Variants in HEATR1 observed in about 807,000 individuals in gnomAD.
The protein encoded by HEATR1 is HEAT repeat-containing protein 1.
A neutral mutation model predicts 248.2 loss-of-function variants in HEATR1; 77 were observed. The ratio of observed to expected loss-of-function variants is 0.31; its 90% CI spans 0.26 to 0.37. The LOEUF (loss-of-function observed/expected upper bound fraction) is 0.37. Ranked by LOEUF, HEATR1 falls within the 10% of genes least tolerant of loss-of-function variation. HEATR1 has a pLI of 1.00. For synonymous variants in HEATR1, 897 were observed against 923.1 expected (o/e 0.97, Z 0.51); for missense variants, 2,420 against 2,504.9 (o/e 0.97, Z 0.72).
rs902708039 is a variant in HEATR1, at chr1:236,557,457, C to G, written c.5205-112G>C. 17 of 1,106,250 alleles carry G rather than the reference C, an allele frequency of 1.5e-5. No homozygotes were observed. The African/African-American group carries it at 2.5e-4, about 16-fold the overall frequency. 68.5% of individuals were successfully genotyped at this position (1,106,250 alleles called of 1,614,324 possible). ...CAAACTGTGCCTATTACATCGCTAT[C>G]TGCTTCATAGCCTAAAAAGCAGTGT... On this transcript the variant is annotated intron_variant, in intron 36 of 44. Transcript: ENST00000366582.
chr1:236,599,548 G>A lies in HEATR1; in HGVS notation c.436C>T (p.Arg146Ter), dbSNP rs1370970789. 1.2e-6 allele frequency: 2 copies of A among 1,613,118 alleles called. No individual in the cohort carries two copies. The highest frequency in any genetic ancestry group is 1.3e-5 in the African/African-American group (1 of 74,856). Residue 146 changes from arginine to a stop codon, truncating the protein, a stop_gained, in exon 4 of 45, where the codon CGA becomes TGA. Transcript: ENST00000366582. LOFTEE classifies it high-confidence loss of function. ...LPYHETRIFV[R>*]VIQLLKINNS... ...TTAATTTTTAGAAGCTGTATGACTC[G>A]CACAAATATTCTTGTCTCGTGGTAT...
Position 236,574,674 on chromosome 1 carries a change from G to A in HEATR1, c.3314C>T (p.Thr1105Ile), listed in dbSNP as rs1355068308. The A allele has an allele frequency of 1.2e-6, 2 of 1,613,304 alleles. No homozygotes were observed. The highest frequency in any genetic ancestry group is 2.2e-5 in the East Asian group (1 of 44,870). ...LYAGMPTIQITALEKITKPFF... is the reference protein window; with the variant it reads ...LYAGMPTIQIIALEKITKPFF... Reference sequence around the variant, plus strand: ...GAAATCACTGACCTTTTCAAGGGCTGTGATCTGAATGGTTGGCATTCCCGC... The same window carrying A: ...GAAATCACTGACCTTTTCAAGGGCTATGATCTGAATGGTTGGCATTCCCGC... Residue 1105 changes from threonine to isoleucine, a missense_variant, in exon 23 of 45, where the codon ACA (threonine) becomes ATA (isoleucine). By Grantham distance (89) the Thr-to-Ile change is moderately conservative. Transcript: ENST00000366582.
At chr1:236,589,714 T>A (rs950460575) in intron 12 of HEATR1, among the ~76,000 whole-genome samples, 7 of 152,212 alleles carry the variant, frequency 4.6e-5, no homozygotes, top group Non-Finnish European at 1.0e-4. Context: ...GAAACTAAAC[T>A]CTGTTAACCG....
intron 24 of HEATR1, 150 bp downstream of exon 24, chr1:236,574,052 C>A: frequency 1.8e-6 from 1 of 548,284 alleles, no homozygotes; most frequent in Non-Finnish European, 3.0e-6. Context: ...TTATTTTATG[C>A]CTCTCTCTGA....
intron 30 of HEATR1, 55 bp from the exon 31 acceptor site, chr1:236,566,100 A>C: frequency 1.3e-6 from 2 of 1,555,428 alleles, no homozygotes; most frequent in Non-Finnish European, 1.8e-6. Flanking sequence ...GTGAAGGCAT[A>C]ATTTCAGGAT....
chr1:236,581,500 A>G, intron 19 of HEATR1, 86 bp from the exon 20 acceptor site: 2 of 930,062 alleles, frequency 2.2e-6, no homozygotes, highest in Non-Finnish European at 3.1e-6. Flanking sequence ...GTACAATTAT[A>G]AAGAAACAAA....
At chr1:236,571,739 A>G (rs1663433004) in intron 26 of HEATR1, 53 bp from the exon 27 acceptor site, 6 of 1,304,058 alleles carry the variant, frequency 4.6e-6, no homozygotes, top group Non-Finnish European at 6.7e-6. Flanking sequence ...TGTACAATTC[A>G]TTGTTACATT....
intron 31 of HEATR1, 36 bp downstream of exon 31, chr1:236,565,883 A>G: frequency 6.3e-7 from 1 of 1,584,492 alleles, no homozygotes; most frequent in Admixed American, 1.8e-5. Context: ...TTTAGCTTTC[A>G]GATTGAACAG....
chr1:236,593,191 T>A (rs1443958191), intron 9 of HEATR1, among the ~76,000 whole-genome samples: 2 of 146,846 alleles, frequency 1.4e-5, no homozygotes, highest in Non-Finnish European at 3.0e-5. Flanking sequence ...CGAAACTCCA[T>A]CTTAAAGAAA....
chr1:236,587,072 T>C (rs1439917642), intron 14 of HEATR1, among the ~76,000 whole-genome samples: 3 of 152,162 alleles, frequency 2.0e-5, no homozygotes, highest in Admixed American at 6.5e-5. Context: ...TTGGTATTTG[T>C]TTTTAATTAT....
chr1:236,594,300 T>C (rs188352436), intron 8 of HEATR1, among the ~76,000 whole-genome samples, 186 bp from the exon 9 acceptor site: 2 of 152,376 alleles, frequency 1.3e-5, no homozygotes, highest in East Asian at 3.9e-4. Flanking sequence ...CTCTTTTGTA[T>C]AGATCACCTT....
Position 236,559,839 on chromosome 1 carries a change from T to C in HEATR1, c.4647-2A>G. 6.3e-7 allele frequency: 1 copy of C among 1,598,886 alleles called. No individual in the cohort carries two copies. Among genetic ancestry groups the C allele is most frequent in the Admixed American group, 1.7e-5 (1 of 58,864 alleles). On this transcript the variant is annotated splice_acceptor_variant, in intron 33 of 44. Coordinates refer to ENST00000366582, the MANE Select transcript of HEATR1 (RefSeq NM_018072.6). LOFTEE classifies it high-confidence loss of function. ...TAGCCGAGAACGGTCTCCAGCAACC[T>C]GAAACACAGAGGCTCGCTCAGCAAA...
At position 236,586,066 on chromosome 1, in the gene HEATR1, G is replaced by A. The variant is rs531954902; in HGVS notation, c.1928-125C>T. The A allele has an allele frequency of 1.8e-5, 24 of 1,336,510 alleles. No individual in the cohort carries two copies. The Admixed American group carries it at 2.7e-4, about 15-fold the overall frequency. 82.8% of individuals were successfully genotyped at this position (1,336,510 alleles called of 1,614,324 possible). On this transcript the variant is annotated intron_variant, in intron 15 of 44. Transcript: ENST00000366582. Reference sequence around the variant, plus strand: ...TTGCTTTCTATTTTTCCTTGTATCCGATTCTGAATTTGTCTATGAATTGGC... The same window carrying A: ...TTGCTTTCTATTTTTCCTTGTATCCAATTCTGAATTTGTCTATGAATTGGC...
chr1:236,558,274 A>G lies in HEATR1; in HGVS notation c.5167T>C (p.Ser1723Pro). The G allele has an allele frequency of 6.2e-7, 1 of 1,613,898 alleles. No individual in the cohort carries two copies. Among genetic ancestry groups the G allele is most frequent in the Non-Finnish European group, 8.5e-7 (1 of 1,179,958 alleles). Residue 1723 changes from serine (S) to proline (P), a missense_variant, in exon 36 of 45, where the codon TCC becomes CCC. By Grantham distance (74) the Ser-to-Pro change is moderately conservative. Transcript: ENST00000366582. ...SALLCIAEVT[S>P]TLEALAIPQL... ...GGGATGGCCAGCGCCTCCAGGGTGG[A>G]GGTCACCTCTGCTATGCACAGCAGC...
intron 41 of HEATR1, among the ~76,000 whole-genome samples, chr1:236,554,998 A>G (rs1012253560): frequency 6.6e-6 from 1 of 152,222 alleles, no homozygotes; most frequent in African/African-American, 2.4e-5. Context: ...TGGGTCACGT[A>G]TTAGCATTAG....
Position 236,595,683 on chromosome 1 carries a change from A to G in HEATR1, c.957-10T>C, listed in dbSNP as rs1558192157. Reference sequence around the variant, plus strand: ...TAAGTGAGGGAATGGCCTTTGAAGAAGCAAAAGTACATATCGTGTTGACTT... The same window carrying G: ...TAAGTGAGGGAATGGCCTTTGAAGAGGCAAAAGTACATATCGTGTTGACTT... On this transcript the variant is annotated splice_polypyrimidine_tract_variant and intron_variant, in intron 7 of 44. Transcript: ENST00000366582. 1.2e-6 allele frequency: 2 copies of G among 1,608,994 alleles called. No homozygotes were observed. Among genetic ancestry groups the G allele is most frequent in the Admixed American group, 3.4e-5 (2 of 59,574 alleles).
chr1:236,594,106 T>C lies in HEATR1; in HGVS notation c.1099A>G (p.Thr367Ala). ...TAGATTTGACCATCCATTCCTTCAGTTTCTTCTCCTTAATATGTAAAAATT... is the reference window on the plus strand; with the variant it reads ...TAGATTTGACCATCCATTCCTTCAGCTTCTTCTCCTTAATATGTAAAAATT... ...SIIHHVTGEE[T>A]EGMDGQIYKR... The change falls in exon 9 of 45, where the codon ACT becomes GCT. Residue 367 changes from threonine (T) to alanine (A), a missense_variant. Physicochemically the swap from Thr to Ala is moderately conservative, Grantham distance 58. Transcript: ENST00000366582. 6.3e-7 allele frequency: 1 copy of C among 1,579,608 alleles called. No homozygotes were observed. The highest frequency in any genetic ancestry group is 1.8e-5 in the Admixed American group (1 of 54,896).
At chr1:236,599,772 T>C (rs1664268667) in intron 3 of HEATR1, 148 bp from the exon 4 acceptor site, 1 of 684,104 alleles carries the variant, frequency 1.5e-6, no homozygotes, top group Non-Finnish European at 2.3e-6. Flanking sequence ...ATACAGAGCA[T>C]TTAAAAAGTC....
intron 5 of HEATR1, among the ~76,000 whole-genome samples, chr1:236,597,313 C>T (rs1468629143): frequency 6.0e-4 from 89 of 147,640 alleles, no homozygotes; most frequent in Non-Finnish European, 1.2e-4. Context: ...AGTACAGTGG[C>T]ATGATCTTGG....
Sources: allele counts gnomAD v4.1 joint callset (sites outside exome capture counted in the v4.1 genomes callset), GRCh38; gene constraint gnomAD v4.1.1; transcripts MANE v1.5; gene names NCBI Gene and HGNC (gene_info 2026-07-23, HGNC 2026-07-21).